The following THSD7B variants were observed in gnomAD, a reference collection of about 807,000 sequenced individuals.
THSD7B encodes thrombospondin type 1 domain containing 7B.
In THSD7B, 138 loss-of-function variants were observed where a neutral mutation model predicts 213.6. That is an observed-to-expected ratio of 0.65 (90% CI 0.56 to 0.74). The LOEUF (loss-of-function observed/expected upper bound fraction) is 0.74, where lower values mean the gene tolerates loss of function less well. Among genes scored for constraint, THSD7B ranks in the 30% least tolerant of loss-of-function variants. The pLI is 0.00. For missense variants in THSD7B, 1,931 were observed against 1,991.5 expected, an observed-to-expected ratio of 0.97 and a Z score of 0.58; for synonymous variants, 742 against 687.0, an observed-to-expected ratio of 1.08 and a Z score of -1.25.
At chr2:137,367,056 A>G (rs1210013365) in intron 12 of THSD7B, among the ~76,000 whole-genome samples, 1 of 152,162 alleles carries the variant, frequency 6.6e-6, no homozygotes, top group Non-Finnish European at 1.5e-5. Flanking sequence ...TAGATAAATA[A>G]AATTTAAAAA....
At chr2:137,334,190 CTCTCTCTCTCTT>C (rs1382762238) in intron 12 of THSD7B, among the ~76,000 whole-genome samples, 12 of 151,664 alleles carry the variant, frequency 7.9e-5, no homozygotes, top group Non-Finnish European at 1.2e-4. Flanking sequence ...CTCTCTCTCT[CTCTCTCTCTCTT>C]TCTCTCTTTC....
chr2:137,518,022 A>G (rs1680106696), intron 15 of THSD7B, among the ~76,000 whole-genome samples: 1 of 151,480 alleles, frequency 6.6e-6, no homozygotes, highest in Non-Finnish European at 1.5e-5. Context: ...AAATCATCAA[A>G]TGGAAGTGGT....
chr2:136,881,147 T>C (rs542071514), intron 1 of THSD7B, among the ~76,000 whole-genome samples: 1 of 152,304 alleles, frequency 6.6e-6, no homozygotes, highest in Admixed American at 6.5e-5. Context: ...TCTCAAATAT[T>C]ATCTTGTGTG....
chr2:136,867,836 G>A (rs923894548), intron 1 of THSD7B, among the ~76,000 whole-genome samples: 1 of 152,128 alleles, frequency 6.6e-6, no homozygotes, highest in Non-Finnish European at 1.5e-5. Context: ...TGAAATTTTT[G>A]ATTTTGTGTT....
chr2:136,949,835 G>T (rs1685004147), intron 2 of THSD7B, among the ~76,000 whole-genome samples: 1 of 152,138 alleles, frequency 6.6e-6, no homozygotes, highest in Non-Finnish European at 1.5e-5. Context: ...CCCACTACTG[G>T]ATATATACCT....
intron 15 of THSD7B, among the ~76,000 whole-genome samples, chr2:137,557,314 TA>T (rs768720748): frequency 2.8e-4 from 43 of 152,132 alleles, no homozygotes; most frequent in Non-Finnish European, 2.8e-4. Context: ...TCAGCAAATG[TA>T]AAAGAACAGA....
At chr2:137,002,354 G>T (rs1356517363) in intron 2 of THSD7B, among the ~76,000 whole-genome samples, 1 of 152,032 alleles carries the variant, frequency 6.6e-6, no homozygotes, top group Non-Finnish European at 1.5e-5. Context: ...ATCCAGACTG[G>T]GTCACATGAG....
intron 13 of THSD7B, among the ~76,000 whole-genome samples, chr2:137,410,354 C>T (rs1209711536): frequency 1.3e-5 from 2 of 152,070 alleles, no homozygotes; most frequent in East Asian, 3.9e-4. Context: ...CTGCAACCTC[C>T]ACCTCCTCAG....
rs981576391 is a variant in THSD7B at position 137,340,992 on chromosome 2, T to G, written c.2501-64621T>G. Among the ~76,000 whole-genome samples the G allele has an allele frequency of 2.9e-4, 44 of 150,182 alleles. No individual in the cohort carries two copies. The East Asian group carries it at 5.5e-3, about 19-fold the overall frequency. Reference sequence around the variant, plus strand: ...CTAATTCTCTTTTTGTTTTTTTTTTTTTTTTTTTGAGGAACCTCCTTACAG... The same window carrying G: ...CTAATTCTCTTTTTGTTTTTTTTTTGTTTTTTTTGAGGAACCTCCTTACAG... On this transcript the variant is annotated intron_variant, in intron 12 of 27. Coordinates refer to ENST00000409968, the MANE Select transcript of THSD7B (RefSeq NM_001316349.2).
chr2:137,223,649 T>C (rs1681426794), intron 7 of THSD7B, among the ~76,000 whole-genome samples: 1 of 152,168 alleles, frequency 6.6e-6, no homozygotes, highest in Admixed American at 6.5e-5. Flanking sequence ...TCAAACTCTT[T>C]ACACAAATAT....
intron 1 of THSD7B, among the ~76,000 whole-genome samples, chr2:136,793,323 A>G (rs1330380504): frequency 6.6e-6 from 1 of 152,006 alleles, no homozygotes; most frequent in African/African-American, 2.4e-5. Flanking sequence ...TGCATTGCCT[A>G]CATGACTAAT....
chr2:137,631,350 A>G (rs1411603970), intron 20 of THSD7B, among the ~76,000 whole-genome samples: 1 of 152,168 alleles, frequency 6.6e-6, no homozygotes, highest in African/African-American at 2.4e-5. Flanking sequence ...TGAATTATTC[A>G]TAATTATTTA....
intron 2 of THSD7B, among the ~76,000 whole-genome samples, chr2:136,910,500 C>A (rs1684238683): frequency 6.6e-6 from 1 of 152,138 alleles, no homozygotes; most frequent in Non-Finnish European, 1.5e-5. Context: ...TTCTAACATG[C>A]ACATGGGTTT....
At position 137,146,124 on chromosome 2, in the gene THSD7B, A is replaced by G. The variant is rs187421155; in HGVS notation, c.1370-14089A>G. On this transcript the variant is annotated intron_variant, in intron 5 of 27. Transcript: ENST00000409968. ...AAAAAAATTCATAAAATTCTACAGC[A>G]TATCAGTTGTTTTTAAGTTTCCATG... Among the ~76,000 whole-genome samples, 25 of 152,286 alleles carry G rather than the reference A, an allele frequency of 1.6e-4. No individual in the cohort carries two copies. The East Asian group carries it at 4.6e-3, about 28-fold the overall frequency.
At chr2:136,965,202 C>T (rs764408046) in intron 2 of THSD7B, among the ~76,000 whole-genome samples, 4 of 152,150 alleles carry the variant, frequency 2.6e-5, no homozygotes, top group Non-Finnish European at 4.4e-5. Context: ...ACAGTTAACA[C>T]GGCTTCTACA....
chr2:136,828,445 G>A (rs1682696022), intron 1 of THSD7B, among the ~76,000 whole-genome samples: 1 of 152,160 alleles, frequency 6.6e-6, no homozygotes, highest in Non-Finnish European at 1.5e-5. Context: ...GGTCTGTGAA[G>A]TAGTTTCTTA....
chr2:137,621,221 A>T (rs1237053999), intron 20 of THSD7B, among the ~76,000 whole-genome samples: 7 of 152,162 alleles, frequency 4.6e-5, no homozygotes, highest in African/African-American at 1.7e-4. Context: ...CTGGATGGTG[A>T]TATCACTTGG....
chr2:137,618,582 C>T (rs887747665), intron 19 of THSD7B, 75 bp downstream of exon 19: 1 of 1,304,542 alleles, frequency 7.7e-7, no homozygotes, highest in Middle Eastern at 1.9e-4. Flanking sequence ...CCATGATGTC[C>T]AATATAGATA....
intron 12 of THSD7B, among the ~76,000 whole-genome samples, chr2:137,317,545 A>T (rs1241749352): frequency 6.6e-6 from 1 of 152,212 alleles, no homozygotes. Context: ...AGAGGAAAAA[A>T]TTTCTCAGAT....
Sources: allele counts gnomAD v4.1 joint callset (sites outside exome capture counted in the v4.1 genomes callset), GRCh38; gene constraint gnomAD v4.1.1; transcripts MANE v1.5; gene names NCBI Gene and HGNC (gene_info 2026-07-23, HGNC 2026-07-21).